Variants in AGFG2 observed in about 807,000 individuals in gnomAD.
The protein encoded by AGFG2 is arf-GAP domain and FG repeat-containing protein 2.
Under a neutral mutation model 48.0 loss-of-function variants are expected in AGFG2, and 31 were observed. The observed-to-expected ratio is 0.65, with a 90% CI of 0.49 to 0.87. AGFG2 has a LOEUF of 0.87. AGFG2 is among the 40% of genes least tolerant of loss of function. The probability of loss-of-function intolerance (pLI) is 0.00; values close to 1 mark genes in which losing one functional copy is unlikely to be tolerated. For missense variants in AGFG2, 599 were observed against 632.6 expected, an observed-to-expected ratio of 0.95 and a Z score of 0.57; for synonymous variants, 229 against 260.8, an observed-to-expected ratio of 0.88 and a Z score of 1.18.
At chr7:100,549,779 A>G (rs1016476811) in intron 2 of AGFG2, among the ~76,000 whole-genome samples, 3 of 151,890 alleles carry the variant, frequency 2.0e-5, no homozygotes, top group African/African-American at 7.3e-5. Flanking sequence ...TGCAACCTCA[A>G]CCTCCTGGGC....
rs529322985 is a variant in AGFG2, at chr7:100,554,669, C to T, written c.751+411C>T. Among the ~76,000 whole-genome samples the T allele has an allele frequency of 9.2e-5, 14 of 152,218 alleles. No individual in the cohort carries two copies. The South Asian group carries it at 2.9e-3, about 32-fold the overall frequency. Reference sequence around the variant, plus strand: ...AAAATTTTCAAGCCAGACACAGTGGCTCACACCTGTAATCCTAGCATTTGA... The same window carrying T: ...AAAATTTTCAAGCCAGACACAGTGGTTCACACCTGTAATCCTAGCATTTGA... On this transcript the variant is annotated intron_variant, in intron 5 of 11. Transcript: ENST00000300176.
chr7:100,541,083 C>T (rs1184708734), intron 1 of AGFG2, among the ~76,000 whole-genome samples: 3 of 147,780 alleles, frequency 2.0e-5, no homozygotes, highest in Non-Finnish European at 4.5e-5. Context: ...CACTATTGTT[C>T]TTGCAAGACA....
chr7:100,542,582 A>C (rs933216793), intron 1 of AGFG2, among the ~76,000 whole-genome samples: 8 of 152,202 alleles, frequency 5.3e-5, no homozygotes, highest in Non-Finnish European at 1.2e-4. Flanking sequence ...CAAGGCATAT[A>C]ATCCTTGTAA....
intron 2 of AGFG2, among the ~76,000 whole-genome samples, chr7:100,549,274 C>T (rs377605696): frequency 9.8e-4 from 150 of 152,300 alleles, no homozygotes; most frequent in African/African-American, 3.4e-3. Context: ...TCAGCCTCGA[C>T]AACCTGGATT....
rs759378540 is a variant in AGFG2, at chr7:100,565,041, C to T, written c.*50C>T. 1.9e-6 allele frequency: 3 copies of T among 1,575,596 alleles called. No individual in the cohort carries two copies. The highest frequency in any genetic ancestry group is 2.6e-6 in the Non-Finnish European group (3 of 1,144,910). On this transcript the variant is annotated 3_prime_UTR_variant, in exon 12 of 12. Coordinates refer to ENST00000300176, the MANE Select transcript of AGFG2 (RefSeq NM_006076.5). ...CCCTGCCTTCTGGGGCCCCTCTGCT[C>T]CCTAGAGCTCTGGTGACCACTTGCC... is the stretch of plus-strand genomic sequence containing the variant.
chr7:100,564,802 C>A, intron 11 of AGFG2, 130 bp from the exon 12 acceptor site: 1 of 1,050,716 alleles, frequency 9.5e-7, no homozygotes, highest in Non-Finnish European at 1.5e-6. Flanking sequence ...CCGTGCCTGG[C>A]CTTTTCTCCC....
intron 3 of AGFG2, among the ~76,000 whole-genome samples, chr7:100,552,337 G>A (rs954946246): frequency 1.3e-5 from 2 of 152,204 alleles, no homozygotes; most frequent in Non-Finnish European, 2.9e-5. Flanking sequence ...GTAACCTAGA[G>A]ATGATTTAAA....
intron 2 of AGFG2, 40 bp from the exon 3 acceptor site, chr7:100,550,356 G>A: frequency 8.2e-7 from 1 of 1,215,634 alleles, no homozygotes; most frequent in Non-Finnish European, 1.2e-6. Context: ...TGTATTTCCT[G>A]CTTTCTGCTC....
At chr7:100,547,073 TC>T (rs1314404087) in intron 1 of AGFG2, among the ~76,000 whole-genome samples, 2 of 152,110 alleles carry the variant, frequency 1.3e-5, no homozygotes, top group Non-Finnish European at 2.9e-5. Flanking sequence ...CAGTGTCCTG[TC>T]CTTTGTTAAA....
rs1421662275 is a variant in AGFG2 at position 100,551,063 on chromosome 7, TATATTTC to T, written c.431+553_431+559del. Among the ~76,000 whole-genome samples, 54 of 112,172 alleles carry T rather than the reference TATATTTC, an allele frequency of 4.8e-4. 2 individuals are homozygous for T. The highest frequency in any genetic ancestry group is 1.7e-3 in the African/African-American group (43 of 25,518). 73.6% of individuals were successfully genotyped at this position (112,172 alleles called of 152,430 possible). On this transcript the variant is annotated intron_variant, in intron 3 of 11. Coordinates refer to ENST00000300176, the MANE Select transcript of AGFG2 (RefSeq NM_006076.5). ...ATATATATATATATATATATATATA[TATATTTC>T]TTTTTTTTTTTTTTTTTGAGACAGA...
chr7:100,548,123 C>T (rs1268373156), intron 1 of AGFG2, among the ~76,000 whole-genome samples: 4 of 152,102 alleles, frequency 2.6e-5, no homozygotes, highest in African/African-American at 9.7e-5. Flanking sequence ...GAAGTGGTCA[C>T]GTGTCTGAGT....
At position 100,562,918 on chromosome 7, in the gene AGFG2, C is replaced by G. The variant is rs373147015; in HGVS notation, c.1143C>G (p.Asn381Lys). 11 of 1,614,016 alleles carry G rather than the reference C, an allele frequency of 6.8e-6. No homozygotes were observed. Among genetic ancestry groups the G allele is most frequent in the Non-Finnish European group, 2.5e-6 (3 of 1,179,988 alleles). The change falls in exon 9 of 12, where the codon AAC (asparagine) becomes AAG (lysine). Residue 381 changes from asparagine to lysine, a missense_variant. Coordinates refer to ENST00000300176, the MANE Select transcript of AGFG2 (RefSeq NM_006076.5). This position sits in a 1 kb window ranked among gnomAD's most constrained non-coding sequence, Gnocchi z 5.4. ...PAAQSPLPST[N>K]PFQPNGLAPG... ...CCCAGTCCCCGCTGCCTTCCACCAA[C>G]CCGTTCCAGCCCAATGGCTTGGCGC...
At chr7:100,545,463 T>G (rs1327976963) in intron 1 of AGFG2, among the ~76,000 whole-genome samples, 3 of 152,178 alleles carry the variant, frequency 2.0e-5, no homozygotes, top group African/African-American at 7.2e-5. Context: ...TGGCTTCAGC[T>G]GCCAAATAAT....
chr7:100,546,509 A>G (rs982441836), intron 1 of AGFG2, among the ~76,000 whole-genome samples: 7 of 152,326 alleles, frequency 4.6e-5, no homozygotes, highest in African/African-American at 1.7e-4. Flanking sequence ...TACTGCAGTA[A>G]GAAGTACCTT....
At chr7:100,554,891 T>C (rs1800725363) in intron 5 of AGFG2, among the ~76,000 whole-genome samples, 1 of 147,572 alleles carries the variant, frequency 6.8e-6, no homozygotes, top group South Asian at 2.1e-4. Flanking sequence ...TGAATCACAA[T>C]TGCATCACTG....
At chr7:100,558,504 T>C (rs906568369) in intron 6 of AGFG2, among the ~76,000 whole-genome samples, 2 of 152,002 alleles carry the variant, frequency 1.3e-5, no homozygotes, top group African/African-American at 4.8e-5. Context: ...CCCAGTACAA[T>C]TGATTGCTCT....
At chr7:100,551,219 G>A (rs1467495119) in intron 3 of AGFG2, among the ~76,000 whole-genome samples, 2 of 149,854 alleles carry the variant, frequency 1.3e-5, no homozygotes, top group African/African-American at 4.9e-5. Context: ...ACAGGCGCCC[G>A]CCACCACACC....
chr7:100,556,576 C>T (rs1177038043), intron 6 of AGFG2: 1 of 1,289,174 alleles, frequency 7.8e-7, no homozygotes, highest in Non-Finnish European at 1.0e-6. Flanking sequence ...CCCTTCTCTT[C>T]TCCACCCTCA....
rs202113449 is a variant in AGFG2 at position 100,553,539 on chromosome 7, T to C, written c.585+39T>C. ...CTGCTCGTCATGTTTCTTTTGAGAT[T>C]TGGGAGACAGGAGTGTCAGTTTCCT... On this transcript the variant is annotated intron_variant, in intron 4 of 11. Transcript: ENST00000300176. 5.7e-6 allele frequency: 9 copies of C among 1,571,210 alleles called. No homozygotes were observed. In the East Asian group the frequency reaches 1.8e-4, roughly 32 times the overall value.
Sources: gnomAD v4.1 joint callset for allele counts (sites outside exome capture counted in the v4.1 genomes callset) on GRCh38, gnomAD v4.1.1 for gene constraint, Gnocchi (gnomAD v3.1) non-coding constraint, MANE v1.5 for transcripts, NCBI Gene and HGNC (gene_info 2026-07-23, HGNC 2026-07-21) for gene names.